Variants in ZNF138 observed in about 807,000 individuals in gnomAD.
The protein encoded by ZNF138 is zinc finger protein 138 (clone pHZ-32).
In ZNF138, 33 loss-of-function variants were observed where a neutral mutation model predicts 33.0. The observed-to-expected ratio is 1.00, with a 90% CI of 0.76 to 1.34. ZNF138 has a LOEUF of 1.34. Among genes scored for constraint, ZNF138 ranks in the 40% most tolerant of loss-of-function variants. The pLI is 0.00. For missense variants in ZNF138, 360 were observed against 370.8 expected (o/e 0.97, Z 0.24); for synonymous variants, 139 against 120.4 (o/e 1.15, Z -1.01).
the ZNF138 span, among the ~76,000 whole-genome samples, chr7:64,842,010 GAGTT>G: frequency 1.3e-5 from 2 of 152,166 alleles, no homozygotes; most frequent in Non-Finnish European, 2.9e-5. Flanking sequence ...AAATTATTAA[GAGTT>G]AGTGGTGAGG....
At chr7:64,834,104 G>A (rs1790296906), downstream of ZNF138, among the ~76,000 whole-genome samples, 1 of 152,128 alleles carries the variant, frequency 6.6e-6, no homozygotes, top group Admixed American at 6.6e-5. Context: ...TGTAGTGCCT[G>A]CCTTACTTGT....
the ZNF138 span, among the ~76,000 whole-genome samples, chr7:64,847,383 T>G: frequency 6.7e-6 from 1 of 148,556 alleles, no homozygotes; most frequent in African/African-American, 2.5e-5. Flanking sequence ...TGTAAGTAAC[T>G]GTTAAGCCCG....
downstream of ZNF138, among the ~76,000 whole-genome samples, chr7:64,835,010 G>A (rs1218235533): frequency 2.6e-5 from 4 of 152,168 alleles, no homozygotes; most frequent in Non-Finnish European, 4.4e-5. Context: ...GGAGGGCCAG[G>A]GAAGTCGCAC....
the ZNF138 span, among the ~76,000 whole-genome samples, chr7:64,851,429 C>T: frequency 6.6e-6 from 1 of 151,988 alleles, no homozygotes; most frequent in Non-Finnish European, 1.5e-5. Context: ...AAAGCGTGCA[C>T]AAAAATGTAC....
chr7:64,821,369 G>A (rs1789134337), intron 3 of ZNF138, among the ~76,000 whole-genome samples: 1 of 151,158 alleles, frequency 6.6e-6, no homozygotes, highest in South Asian at 2.1e-4. Context: ...GATTATAGGT[G>A]TGAGCCACGG....
At chr7:64,826,508 T>C (rs954539474) in intron 3 of ZNF138, among the ~76,000 whole-genome samples, 21 of 152,350 alleles carry the variant, frequency 1.4e-4, no homozygotes, top group African/African-American at 4.6e-4. Context: ...CTCAAACTCC[T>C]GACCTCAGGT....
chr7:64,815,006 A>G lies in ZNF138; in HGVS notation c.92A>G (p.His31Arg), dbSNP rs775446887. Reference sequence around the variant, plus strand: ...ACTGCACAGCGGAATGTATATAGGCATGTGATGTTAGAGAACTACAGAAAC... The same window carrying G: ...ACTGCACAGCGGAATGTATATAGGCGTGTGATGTTAGAGAACTACAGAAAC... ...LDTAQRNVYRHVMLENYRNLV... is the reference protein window; with the variant it reads ...LDTAQRNVYRRVMLENYRNLV... Residue 31 changes from histidine to arginine, a missense_variant, in exon 2 of 4, where the codon CAT (histidine) becomes CGT (arginine). Transcript: ENST00000307355. 2.5e-6 allele frequency: 4 copies of G among 1,611,906 alleles called. No individual in the cohort carries two copies. In the Admixed American group the frequency reaches 6.7e-5, roughly 27 times the overall value.
chr7:64,815,157 T>G, intron 2 of ZNF138, 113 bp downstream of exon 2: 1 of 1,108,306 alleles, frequency 9.0e-7, no homozygotes, highest in Non-Finnish European at 1.2e-6. Flanking sequence ...GAGTTTCAGA[T>G]TCCTGTTTTC....
chr7:64,842,570 TTC>T, the ZNF138 span, among the ~76,000 whole-genome samples: 1 of 152,218 alleles, frequency 6.6e-6, no homozygotes, highest in Admixed American at 6.5e-5. Flanking sequence ...CTTGGTCATT[TTC>T]TCTGGAAAAA....
chr7:64,830,975 A>G (rs945723900), intron 3 of ZNF138: 15 of 1,551,378 alleles, frequency 9.7e-6, no homozygotes, highest in Non-Finnish European at 1.3e-5. Context: ...TGGACTCAAC[A>G]TTTTGTCATT....
intron 3 of ZNF138, among the ~76,000 whole-genome samples, chr7:64,826,258 G>A (rs6460191): frequency 0.98 from 149,951 of 152,300 alleles, 73,860 homozygotes; most frequent in East Asian, 1. Context: ...TAATTGTGTA[G>A]TGACGTGCTT....
At chr7:64,823,219 G>A (rs995714521) in intron 3 of ZNF138, among the ~76,000 whole-genome samples, 3 of 152,138 alleles carry the variant, frequency 2.0e-5, no homozygotes, top group African/African-American at 7.2e-5. Flanking sequence ...AGAATATGTT[G>A]AAGAGTATGT....
At chr7:64,843,097 C>A in the ZNF138 span, among the ~76,000 whole-genome samples, 1 of 152,044 alleles carries the variant, frequency 6.6e-6, no homozygotes, top group Admixed American at 6.5e-5. Context: ...TGGCTCATTT[C>A]GACAAATATA....
chr7:64,832,396 A>G lies in ZNF138; in HGVS notation c.*194A>G, dbSNP rs1348904756. Reference sequence around the variant, plus strand: ...AAGCTCACTGAACATAAGTTAATTCATACTGGAGAAAAACCCTACAAATGT... The same window carrying G: ...AAGCTCACTGAACATAAGTTAATTCGTACTGGAGAAAAACCCTACAAATGT... On this transcript the variant is annotated 3_prime_UTR_variant, in exon 4 of 4. Transcript: ENST00000307355. The G allele has an allele frequency of 3.3e-6, 5 of 1,521,762 alleles. No individual in the cohort carries two copies. The Admixed American group carries it at 8.8e-5, about 27-fold the overall frequency. The allele number at this position is 1,521,762 out of a possible 1,614,324, so 94.3% of individuals were successfully genotyped here. A position where few individuals can be genotyped will look rare whatever the true frequency, so the allele number is the denominator to read the frequency against.
At chr7:64,809,706 C>T (rs1294446897) in intron 1 of ZNF138, among the ~76,000 whole-genome samples, 118 of 145,612 alleles carry the variant, frequency 8.1e-4, no homozygotes, top group Admixed American at 2.4e-3. Flanking sequence ...TCAGACGGGG[C>T]GGTTGCCGGG....
the ZNF138 span, among the ~76,000 whole-genome samples, chr7:64,851,441 A>C: frequency 3.3e-5 from 5 of 152,222 alleles, no homozygotes; most frequent in African/African-American, 1.2e-4. Context: ...AAAATGTACG[A>C]GCGCAAAGGA....
intron 1 of ZNF138, among the ~76,000 whole-genome samples, chr7:64,809,190 T>G (rs370681833): frequency 4.9e-5 from 2 of 40,990 alleles, no homozygotes; most frequent in African/African-American, 9.1e-5. Context: ...ACCTCCCGGG[T>G]GGGGCAGCTG....
chr7:64,845,308 C>T, the ZNF138 span, among the ~76,000 whole-genome samples: 1 of 152,186 alleles, frequency 6.6e-6, no homozygotes, highest in Non-Finnish European at 1.5e-5. Context: ...ATATATACTA[C>T]AGTTTATTTG....
chr7:64,835,488 T>G (rs1217102569), downstream of ZNF138: 3 of 152,106 alleles, frequency 2.0e-5, no homozygotes, highest in Admixed American at 6.5e-5. Flanking sequence ...GAGCATCTGT[T>G]GAACCACAGG....
Sources: allele counts gnomAD v4.1 joint callset (sites outside exome capture counted in the v4.1 genomes callset), GRCh38; gene constraint gnomAD v4.1.1; transcripts MANE v1.5; gene names NCBI Gene and HGNC (gene_info 2026-07-23, HGNC 2026-07-21).